Variants in GRIN1 observed in about 807,000 individuals in gnomAD.
The protein encoded by GRIN1 is glutamate receptor ionotropic, NMDA 1.
Under a neutral mutation model 103.0 loss-of-function variants are expected in GRIN1, and 38 were observed. The ratio of observed to expected loss-of-function variants is 0.37; its 90% CI spans 0.28 to 0.48. GRIN1 has a LOEUF of 0.48. Among genes scored for constraint, GRIN1 ranks in the 20% least tolerant of loss-of-function variants. The probability of loss-of-function intolerance (pLI) is 0.98; values close to 1 mark genes in which losing one functional copy is unlikely to be tolerated. For synonymous variants in GRIN1, 544 were observed against 532.7 expected (o/e 1.02, Z -0.29); for missense variants, 577 against 1,288.9 (o/e 0.45, Z 8.46).
At chr9:137,147,446 ATGCACACG>A (rs1251983939) in intron 3 of GRIN1, among the ~76,000 whole-genome samples, 2 of 151,822 alleles carry the variant, frequency 1.3e-5, no homozygotes, top group African/African-American at 4.8e-5. Flanking sequence ...ACATGCACAC[ATGCACACG>A]CACACACATG....
intron 18 of GRIN1, chr9:137,164,856 C>T (rs963523474): frequency 5.2e-6 from 2 of 383,352 alleles, no homozygotes; most frequent in Non-Finnish European, 1.0e-5. Context: ...AGGGGCAACT[C>T]CTCCAGTCCT....
At chr9:137,166,034 C>T (rs1393203912) in intron 19 of GRIN1, among the ~76,000 whole-genome samples, 1 of 152,054 alleles carries the variant, frequency 6.6e-6, no homozygotes, top group Non-Finnish European at 1.5e-5. Context: ...GAGCGGGGGC[C>T]CTGCAGGAGG....
chr9:137,156,092 A>G (rs28688581), intron 4 of GRIN1, among the ~76,000 whole-genome samples: 101,914 of 151,598 alleles, frequency 0.67, 34,810 homozygotes, highest in East Asian at 0.93. Flanking sequence ...CCACTTACCA[A>G]CTCTTGTGTG....
chr9:137,160,579 A>G lies in GRIN1; in HGVS notation c.1198-477A>G, dbSNP rs533071337. On this transcript the variant is annotated intron_variant, in intron 8 of 19. Transcript: ENST00000371561. Reference sequence around the variant, plus strand: ...TGAGTAGCTGGGACTACAGGTGCCCACCACCACGCCCGGCTAATTTTTTTG... The same window carrying G: ...TGAGTAGCTGGGACTACAGGTGCCCGCCACCACGCCCGGCTAATTTTTTTG... 8.7e-4 allele frequency among the ~76,000 whole-genome samples: 133 copies of G among 152,174 alleles called. 1 individual carries two copies. Among genetic ancestry groups the G allele is most frequent in the Admixed American group, 1.8e-3 (27 of 15,308 alleles).
At chr9:137,164,813 A>C (rs1833776903) in intron 18 of GRIN1, 3 of 319,374 alleles carry the variant, frequency 9.4e-6, no homozygotes. Context: ...CTTGGGGGTC[A>C]GTGGCCTCCA....
chr9:137,141,862 T>A lies in GRIN1; in HGVS notation c.259-151T>A, dbSNP rs1049197910. On this transcript the variant is annotated intron_variant, in intron 1 of 19. Transcript: ENST00000371561. The stretch of plus-strand genomic sequence containing the variant: ...CCCCTGCCCTGTGGGCATGTGTGCA[T>A]CTGGGCCTGGGCATGTAGCATGTAC... 3 of 845,640 alleles carry A rather than the reference T, an allele frequency of 3.5e-6. No homozygotes were observed. In the African/African-American group the frequency reaches 5.0e-5, roughly 14 times the overall value. 52.4% of individuals were successfully genotyped at this position (845,640 alleles called of 1,614,324 possible). A position where few individuals can be genotyped will look rare whatever the true frequency, so the allele number is the denominator to read the frequency against.
intron 4 of GRIN1, among the ~76,000 whole-genome samples, chr9:137,152,142 A>G (rs537146520): frequency 6.6e-6 from 1 of 152,238 alleles, no homozygotes; most frequent in South Asian, 2.1e-4. Context: ...TTCTGGCCTC[A>G]TGATCTGCCC....
intron 8 of GRIN1, among the ~76,000 whole-genome samples, chr9:137,159,157 CT>C (rs1833392745): frequency 6.6e-6 from 1 of 152,182 alleles, no homozygotes; most frequent in Non-Finnish European, 1.5e-5. Context: ...CCTGACTCCC[CT>C]GGGCCTCTGA....
At chr9:137,141,157 G>A (rs113606427) in intron 1 of GRIN1, among the ~76,000 whole-genome samples, 28 of 152,314 alleles carry the variant, frequency 1.8e-4, no homozygotes, top group African/African-American at 3.6e-4. Flanking sequence ...ACACACCCCC[G>A]GCCAGGTACT....
Position 137,139,833 on chromosome 9 carries a change from C to G in GRIN1, c.258+89C>G. On this transcript the variant is annotated intron_variant, in intron 1 of 19. Transcript: ENST00000371561. This position sits in a 1 kb window ranked among gnomAD's most constrained non-coding sequence, Gnocchi z 7.7. ...GTTTCATTCCATCCTTTCCGTGCCC[C>G]CTTCCTCCCTGTAAGACACCACCCC... is the stretch of plus-strand genomic sequence containing the variant. The G allele has an allele frequency of 3.7e-6, 4 of 1,069,012 alleles. No homozygotes were observed. The highest frequency in any genetic ancestry group is 3.5e-5 in the Admixed American group (2 of 57,852). 66.2% of individuals were successfully genotyped at this position (1,069,012 alleles called of 1,614,324 possible).
At chr9:137,163,361 C>G (rs1833668069) in intron 16 of GRIN1, 31 bp downstream of exon 16, 2 of 1,609,866 alleles carry the variant, frequency 1.2e-6, no homozygotes, top group Non-Finnish European at 1.7e-6. Flanking sequence ...GTCCCTCCTC[C>G]GCCCCTCTCC....
intron 6 of GRIN1, 103 bp downstream of exon 6, chr9:137,157,140 A>G (rs960672632): frequency 2.0e-5 from 21 of 1,027,768 alleles, no homozygotes; most frequent in African/African-American, 1.8e-4. Context: ...GGGCGGGGCC[A>G]CTCTCCAGAG....
At position 137,163,687 on chromosome 9, in the gene GRIN1, A is replaced by G. The variant is rs1280706883; in HGVS notation, c.2443+19A>G. On this transcript the variant is annotated intron_variant, in intron 17 of 19. Transcript: ENST00000371561. ...ATGGCCGGTGCGTTCTCCTTCATCC[A>G]TTCTCGGGTGGGTTCTCCGTGGGCT... 1.2e-6 allele frequency: 2 copies of G among 1,612,742 alleles called. No homozygotes were observed. Among genetic ancestry groups the G allele is most frequent in the Non-Finnish European group, 1.7e-6 (2 of 1,179,362 alleles).
chr9:137,153,178 C>T lies in GRIN1; in HGVS notation c.672-3491C>T, dbSNP rs1385095842. On this transcript the variant is annotated intron_variant, in intron 4 of 19. Transcript: ENST00000371561. ...CACCACTCATAGATCTCTACCCACA[C>T]ATGCACCATCATGTACAGGTCACAC... Among the ~76,000 whole-genome samples the T allele has an allele frequency of 2.6e-5, 4 of 151,918 alleles. No individual in the cohort carries two copies. The East Asian group carries it at 7.7e-4, about 29-fold the overall frequency.
chr9:137,142,019 G>A lies in GRIN1; in HGVS notation c.265G>A (p.Ala89Thr). 1.2e-6 allele frequency: 2 copies of A among 1,614,004 alleles called. No individual in the cohort carries two copies. The highest frequency in any genetic ancestry group is 1.7e-6 in the Non-Finnish European group (2 of 1,179,966). Residue 89 changes from alanine to threonine, a missense_variant, in exon 2 of 20, where the codon GCC (alanine) becomes ACC (threonine). By Grantham distance (58) the Ala-to-Thr change is moderately conservative. Coordinates refer to ENST00000371561, the MANE Select transcript of GRIN1 (RefSeq NM_007327.4). ...ATGTCTCCTGTGTCCACAGGTCTAC[G>A]CCATCCTAGTTAGCCATCCACCTAC... ...CEDLISSQVY[A>T]ILVSHPPTPN...
At chr9:137,161,025 G>C (rs200267694) in intron 8 of GRIN1, 31 bp from the exon 9 acceptor site, 6 of 1,612,072 alleles carry the variant, frequency 3.7e-6, no homozygotes, top group Non-Finnish European at 4.2e-6. Context: ...TTAGGTCGGT[G>C]GTCCAGGCTG....
intron 18 of GRIN1, 177 bp downstream of exon 18, chr9:137,164,081 G>C (rs778391215): frequency 1.3e-6 from 1 of 779,054 alleles, no homozygotes; most frequent in Non-Finnish European, 2.2e-6. Flanking sequence ...CCGGTGGGGG[G>C]CTGCCTGCAG....
rs200924771 is a variant in GRIN1 at position 137,145,912 on chromosome 9, G to A, written c.570+10G>A. On this transcript the variant is annotated intron_variant, in intron 3 of 19. Transcript: ENST00000371561. ...GGAGCGTGAGTCCAAGGTGAGGGTC[G>A]GCGCCGCGGGTGGGCGCCTGGCGGA... 7.4e-4 allele frequency: 1,179 copies of A among 1,586,810 alleles called. 10 individuals are homozygous for A. The highest frequency in any genetic ancestry group is 5.2e-3 in the Middle Eastern group (31 of 6,002).
intron 4 of GRIN1, among the ~76,000 whole-genome samples, chr9:137,154,868 C>A (rs1218009460): frequency 6.6e-6 from 1 of 152,196 alleles, no homozygotes; most frequent in Non-Finnish European, 1.5e-5. Flanking sequence ...GACTGGCCCA[C>A]CCAGCATGCC....
Sources: allele counts gnomAD v4.1 joint callset (sites outside exome capture counted in the v4.1 genomes callset), GRCh38; gene constraint gnomAD v4.1.1; non-coding constraint Gnocchi (gnomAD v3.1); transcripts MANE v1.5; gene names NCBI Gene and HGNC (gene_info 2026-07-23, HGNC 2026-07-21).